The following MFSD6 variants were observed in gnomAD, a reference collection of about 807,000 sequenced individuals.
MFSD6 encodes major facilitator superfamily domain-containing protein 6.
In MFSD6, 26 loss-of-function variants were observed where a neutral mutation model predicts 56.3. The observed-to-expected ratio is 0.46, with a 90% CI of 0.34 to 0.64. The LOEUF (loss-of-function observed/expected upper bound fraction) is 0.64. Among genes scored for constraint, MFSD6 ranks in the 30% least tolerant of loss-of-function variants. The pLI, the probability that MFSD6 is intolerant of heterozygous loss-of-function variation, is 0.01. For synonymous variants in MFSD6, 331 were observed against 366.9 expected, an observed-to-expected ratio of 0.90 and a Z score of 1.12; for missense variants, 750 against 986.2, an observed-to-expected ratio of 0.76 and a Z score of 3.21.
intron 3 of MFSD6, among the ~76,000 whole-genome samples, chr2:190,441,842 G>T (rs761794252): frequency 6.6e-6 from 1 of 152,034 alleles, no homozygotes; most frequent in Non-Finnish European, 1.5e-5. Context: ...GCCCAAGGCC[G>T]TGGAGAGGCT....
In MFSD6 at chr2:190,423,582, G is replaced by A. The variant is rs1685700450; in HGVS notation, c.-54+8169G>A. On this transcript the variant is annotated intron_variant, in intron 2 of 7. Coordinates refer to ENST00000392328, the MANE Select transcript of MFSD6 (RefSeq NM_017694.4). This position sits in a 1 kb window ranked among gnomAD's most constrained non-coding sequence, Gnocchi z 4.3. ...GTCTCCACTTTTTGGCTATTATGAAGAAAGCTGCTATAAACATTTATGCAT... is the reference window on the plus strand; with the variant it reads ...GTCTCCACTTTTTGGCTATTATGAAAAAAGCTGCTATAAACATTTATGCAT... Among the ~76,000 whole-genome samples the A allele has an allele frequency of 6.6e-6, 1 of 152,182 alleles. No homozygotes were observed. The highest frequency in any genetic ancestry group is 2.4e-5 in the African/African-American group (1 of 41,456).
At position 190,500,042 on chromosome 2, in the gene MFSD6, C is replaced by A; in HGVS notation, c.2200C>A (p.Pro734Thr). The A allele has an allele frequency of 6.2e-7, 1 of 1,614,166 alleles. No homozygotes were observed. Among genetic ancestry groups the A allele is most frequent in the Non-Finnish European group, 8.5e-7 (1 of 1,180,028 alleles). ...GACCAATGAGAATAGGGAAAATTCT[C>A]CTGCTGGTAGAGCCCAGCCTGTCCC... ...QGTNENRENS[P>T]AGRAQPVPCE... The change falls in exon 8 of 8, where the codon CCT becomes ACT. Residue 734 changes from proline to threonine, a missense_variant. By Grantham distance (38) the Pro-to-Thr change is conservative. Around this residue, in one of 5 missense-constraint regions of MFSD6, gnomAD observed 172 missense variants for 203.9 expected, o/e 0.84. Coordinates refer to ENST00000392328, the MANE Select transcript of MFSD6 (RefSeq NM_017694.4). This position sits in a 1 kb window ranked among gnomAD's most constrained non-coding sequence, Gnocchi z 5.3.
Position 190,500,968 on chromosome 2 carries a change from C to T in MFSD6, c.*750C>T, listed in dbSNP as rs1412283061. On this transcript the variant is annotated 3_prime_UTR_variant, in exon 8 of 8. Coordinates refer to ENST00000392328, the MANE Select transcript of MFSD6 (RefSeq NM_017694.4). The surrounding 1 kb of genome is among the most constrained non-coding windows in gnomAD (Gnocchi z 5.3). ...AAAAAACAGAAACAAGCGATTATTT[C>T]AAATCAACCAACCAACTCAGTATCC... The T allele has an allele frequency of 6.6e-6, 1 of 152,148 alleles. No homozygotes were observed. Among genetic ancestry groups the T allele is most frequent in the African/African-American group, 2.4e-5 (1 of 41,428 alleles). The allele number at this position is 152,148 out of a possible 1,614,324, so 9.4% of individuals were successfully genotyped here.
At position 190,489,788 on chromosome 2, in the gene MFSD6, G is replaced by A. The variant is rs1160643585; in HGVS notation, c.1813G>A (p.Gly605Arg). 8 of 1,614,082 alleles carry A rather than the reference G, an allele frequency of 5.0e-6. No homozygotes were observed. The highest frequency in any genetic ancestry group is 5.1e-6 in the Non-Finnish European group (6 of 1,179,982). The change falls in exon 6 of 8, where the codon GGA (glycine) becomes AGA (arginine). Residue 605 changes from glycine to arginine, a missense_variant. By Grantham distance (125) the Gly-to-Arg change is moderately radical. Coordinates refer to ENST00000392328, the MANE Select transcript of MFSD6 (RefSeq NM_017694.4). The surrounding 1 kb of genome is among the most constrained non-coding windows in gnomAD (Gnocchi z 6.6). ...TATAGGGGCTGCTGCAACCTTCCGA[G>A]GAATTGGCATGGCCTGCTTGGTGAT... is the stretch of plus-strand genomic sequence containing the variant. Reference protein sequence around the residue: ...NYFGAAATFRGIGMACLVILL... With the variant: ...NYFGAAATFRRIGMACLVILL...
In MFSD6 at chr2:190,487,846, A is replaced by G. The variant is rs1689101251; in HGVS notation, c.1631-811A>G. ...AAAAAAGGTAGTTCCTCAAAGTGTT[A>G]AACATATAGTGACCATATCATCCAA... On this transcript the variant is annotated intron_variant, in intron 4 of 7. Transcript: ENST00000392328. The surrounding 1 kb of genome is among the most constrained non-coding windows in gnomAD (Gnocchi z 5.5). 6.6e-6 allele frequency among the ~76,000 whole-genome samples: 1 copy of G among 152,214 alleles called. No individual in the cohort carries two copies. Among genetic ancestry groups the G allele is most frequent in the African/African-American group, 2.4e-5 (1 of 41,458 alleles).
rs571167123 is a variant in MFSD6 at position 190,431,659 on chromosome 2, A to C, written c.-53-4318A>C. On this transcript the variant is annotated intron_variant, in intron 2 of 7. Transcript: ENST00000392328. The surrounding 1 kb of genome is among the most constrained non-coding windows in gnomAD (Gnocchi z 4.4). ...CAGTGAGCCGAGATGGCAGCAGTAC[A>C]GTCCAGCTTCGGCTCAGCATCAGGG... 1.3e-3 allele frequency among the ~76,000 whole-genome samples: 201 copies of C among 152,338 alleles called. No homozygotes were observed. The highest frequency in any genetic ancestry group is 1.8e-3 in the Non-Finnish European group (121 of 68,034).
Position 190,462,867 on chromosome 2 carries a change from A to AT in MFSD6, c.1533-6889dup. Among the ~76,000 whole-genome samples, 1 of 152,294 alleles carries AT rather than the reference A, an allele frequency of 6.6e-6. No homozygotes were observed. Among genetic ancestry groups the AT allele is most frequent in the African/African-American group, 2.4e-5 (1 of 41,566 alleles). ...CTCCTGCCTGTTGCTCAGGTCACTG[A>AT]TTCTGTGGCCTTGTCTCCTCTCCTC... is the stretch of plus-strand genomic sequence containing the variant. On this transcript the variant is annotated intron_variant, in intron 3 of 7. Transcript: ENST00000392328. This position sits in a 1 kb window ranked among gnomAD's most constrained non-coding sequence, Gnocchi z 5.7.
intron 2 of MFSD6, among the ~76,000 whole-genome samples, chr2:190,427,830 C>A (rs1685830464): frequency 6.6e-6 from 1 of 152,042 alleles, no homozygotes; most frequent in Admixed American, 6.5e-5. Flanking sequence ...CTCCTGGGTT[C>A]AAGCGATTCT....
chr2:190,497,336 T>C lies in MFSD6; in HGVS notation c.1892-103T>C. ...AATTTATTAATATTATCAAGCACTC[T>C]GGAATGGGTATATGGGATTCTTGGT... On this transcript the variant is annotated intron_variant, in intron 6 of 7. Transcript: ENST00000392328. This position sits in a 1 kb window ranked among gnomAD's most constrained non-coding sequence, Gnocchi z 5.2. 7.6e-7 allele frequency: 1 copy of C among 1,308,722 alleles called. No homozygotes were observed. The highest frequency in any genetic ancestry group is 2.2e-5 in the Admixed American group (1 of 46,390). The allele number at this position is 1,308,722 out of a possible 1,614,324, so 81.1% of individuals were successfully genotyped here. A position where few individuals can be genotyped will look rare whatever the true frequency, so the allele number is the denominator to read the frequency against.
intron 2 of MFSD6, among the ~76,000 whole-genome samples, chr2:190,430,610 T>A (rs1685938443): frequency 6.6e-6 from 1 of 152,114 alleles, no homozygotes; most frequent in Non-Finnish European, 1.5e-5. Flanking sequence ...TGCTTCTTTC[T>A]ACACAGACAC....
intron 4 of MFSD6, among the ~76,000 whole-genome samples, chr2:190,473,863 G>A (rs1363450206): frequency 2.0e-4 from 30 of 152,070 alleles, no homozygotes; most frequent in Middle Eastern, 3.2e-3. Context: ...ATAACAAACT[G>A]TCTCTCAGAC....
chr2:190,488,686 T>C lies in MFSD6; in HGVS notation c.1660T>C (p.Cys554Arg), dbSNP rs780028130. The C allele has an allele frequency of 1.9e-6, 3 of 1,593,108 alleles. No homozygotes were observed. The Admixed American group carries it at 5.3e-5, about 28-fold the overall frequency. Reference sequence around the variant, plus strand: ...GACACACGCGGCCATCTGGGCAGCATGCATTTCTTACCTCAGTGCAGCCGT... The same window carrying C: ...GACACACGCGGCCATCTGGGCAGCACGCATTTCTTACCTCAGTGCAGCCGT... The part of the protein sequence containing the change: ...GVTHAAIWAA[C>R]ISYLSAAVPP... The change falls in exon 5 of 8, where the codon TGC becomes CGC. Residue 554 changes from cysteine (C) to arginine (R), a missense_variant. Cys to Arg is a radical substitution (Grantham distance 180). Coordinates refer to ENST00000392328, the MANE Select transcript of MFSD6 (RefSeq NM_017694.4). This position sits in a 1 kb window ranked among gnomAD's most constrained non-coding sequence, Gnocchi z 6.4.
At position 190,418,746 on chromosome 2, in the gene MFSD6, G is replaced by A. The variant is rs891971973; in HGVS notation, c.-54+3333G>A. ...CGCTCCAGCCTGGGTGGCAGAAGGA[G>A]CCCCTATCTAAAAAAACAAAACAAA... On this transcript the variant is annotated intron_variant, in intron 2 of 7. Coordinates refer to ENST00000392328, the MANE Select transcript of MFSD6 (RefSeq NM_017694.4). This position sits in a 1 kb window ranked among gnomAD's most constrained non-coding sequence, Gnocchi z 4.1. Among the ~76,000 whole-genome samples the A allele has an allele frequency of 2.0e-5, 3 of 152,286 alleles. No individual in the cohort carries two copies. Among genetic ancestry groups the A allele is most frequent in the East Asian group, 3.9e-4 (2 of 5,182 alleles).
Position 190,500,141 on chromosome 2 carries a change from C to G in MFSD6, c.2299C>G (p.Pro767Ala), listed in dbSNP as rs758862665. 13 of 1,614,008 alleles carry G rather than the reference C, an allele frequency of 8.1e-6. No individual in the cohort carries two copies. In the Admixed American group the frequency reaches 1.7e-4, roughly 21 times the overall value. ...DAAASQTQTS[P>A]AHPSVDPCTE... Reference sequence around the variant, plus strand: ...AGCAGCATCTCAGACGCAGACCAGCCCCGCTCACCCCAGTGTGGACCCGTG... The same window carrying G: ...AGCAGCATCTCAGACGCAGACCAGCGCCGCTCACCCCAGTGTGGACCCGTG... Residue 767 changes from proline to alanine, a missense_variant, in exon 8 of 8, where the codon CCC (proline) becomes GCC (alanine). By Grantham distance (27) the Pro-to-Ala change is conservative. Around this residue, in one of 5 missense-constraint regions of MFSD6, gnomAD observed 172 missense variants for 203.9 expected, o/e 0.84. Transcript: ENST00000392328. The surrounding 1 kb of genome is among the most constrained non-coding windows in gnomAD (Gnocchi z 5.3).
intron 2 of MFSD6, among the ~76,000 whole-genome samples, chr2:190,430,754 G>C (rs1302540558): frequency 6.7e-6 from 1 of 149,886 alleles, no homozygotes; most frequent in Admixed American, 6.7e-5. Context: ...GCCAGGCAGA[G>C]GGGCTCCTCA....
rs1689615520 is a variant in MFSD6, at chr2:190,495,422, C to T, written c.1892-2017C>T. 6.6e-6 allele frequency among the ~76,000 whole-genome samples: 1 copy of T among 152,138 alleles called. No homozygotes were observed. Among genetic ancestry groups the T allele is most frequent in the Admixed American group, 6.5e-5 (1 of 15,286 alleles). ...CAATATTGTGAAAATGACCATACTG[C>T]TAAAAGCAATCTACAAATTCAATGC... On this transcript the variant is annotated intron_variant, in intron 6 of 7. Coordinates refer to ENST00000392328, the MANE Select transcript of MFSD6 (RefSeq NM_017694.4). This position sits in a 1 kb window ranked among gnomAD's most constrained non-coding sequence, Gnocchi z 4.7.
Position 190,426,949 on chromosome 2 carries a change from G to T in MFSD6, c.-53-9028G>T, listed in dbSNP as rs1428009242. Among the ~76,000 whole-genome samples, 5 of 152,206 alleles carry T rather than the reference G, an allele frequency of 3.3e-5. No homozygotes were observed. Among genetic ancestry groups the T allele is most frequent in the African/African-American group, 1.2e-4 (5 of 41,448 alleles). Reference sequence around the variant, plus strand: ...GGTAGAAGTCCAAGTTCCTCACTCAGCCTCTTTGGATACCTGAAGGTGAAA... The same window carrying T: ...GGTAGAAGTCCAAGTTCCTCACTCATCCTCTTTGGATACCTGAAGGTGAAA... On this transcript the variant is annotated intron_variant, in intron 2 of 7. Coordinates refer to ENST00000392328, the MANE Select transcript of MFSD6 (RefSeq NM_017694.4). The surrounding 1 kb of genome is among the most constrained non-coding windows in gnomAD (Gnocchi z 4.7).
chr2:190,491,574 C>T lies in MFSD6; in HGVS notation c.1891+1708C>T, dbSNP rs4303742. ...GAAGAGAAATGACAATCACTACAGCCTGGCTGTCAGGAAGCCACATCCCTC... is the reference window on the plus strand; with the variant it reads ...GAAGAGAAATGACAATCACTACAGCTTGGCTGTCAGGAAGCCACATCCCTC... On this transcript the variant is annotated intron_variant, in intron 6 of 7. Transcript: ENST00000392328. The surrounding 1 kb of genome is among the most constrained non-coding windows in gnomAD (Gnocchi z 4.2). Among the ~76,000 whole-genome samples, 133,845 of 152,198 alleles carry T rather than the reference C, an allele frequency of 0.88. 59,665 individuals carry two copies. The highest frequency in any genetic ancestry group is 1 in the East Asian group (5,172 of 5,186).
intron 3 of MFSD6, among the ~76,000 whole-genome samples, chr2:190,464,112 C>T (rs1687473306): frequency 6.6e-6 from 1 of 152,188 alleles, no homozygotes; most frequent in Non-Finnish European, 1.5e-5. Flanking sequence ...ATCTCCCACC[C>T]TGGCCTCGAG....
Sources: gnomAD v4.1 joint callset for allele counts (sites outside exome capture counted in the v4.1 genomes callset) on GRCh38, gnomAD v4.1.1 for gene constraint, gnomAD v4.1.1 regional missense constraint, Gnocchi (gnomAD v3.1) non-coding constraint, MANE v1.5 for transcripts, NCBI Gene and HGNC (gene_info 2026-07-23, HGNC 2026-07-21) for gene names.